NWD2: variants seen among roughly 807,000 people sequenced by gnomAD.
NWD2 encodes NACHT and WD repeat domain containing 2.
Under a neutral mutation model 132.7 loss-of-function variants are expected in NWD2, and 37 were observed. The ratio of observed to expected loss-of-function variants is 0.28; its 90% confidence interval spans 0.21 to 0.37. NWD2 has a LOEUF of 0.37. Ranked by LOEUF, NWD2 falls within the 10% of genes least tolerant of loss-of-function variation. The pLI, the probability that NWD2 is intolerant of heterozygous loss-of-function variation, is 1.00. For synonymous variants in NWD2, 705 were observed against 803.0 expected (o/e 0.88, Z 2.06); for missense variants, 1,592 against 2,122.4 (o/e 0.75, Z 4.91).
At chr4:37,307,437 T>G (rs1308812615) in intron 1 of NWD2, among the ~76,000 whole-genome samples, 1 of 152,198 alleles carries the variant, frequency 6.6e-6, no homozygotes, top group African/African-American at 2.4e-5. Context: ...CTTTCAGCAC[T>G]TTAAATATAT....
Position 37,439,381 on chromosome 4 carries a change from A to G in NWD2, c.1287A>G (p.Val429=). 1 of 1,460,712 alleles carries G rather than the reference A, an allele frequency of 6.8e-7. No individual in the cohort carries two copies. The allele number at this position is 1,460,712 out of a possible 1,614,324, so 90.5% of individuals were successfully genotyped here. A position where few individuals can be genotyped will look rare whatever the true frequency, so the allele number is the denominator to read the frequency against. The change falls in exon 6 of 7, where the codon GTA becomes GTG. Residue 429 remains valine, a synonymous_variant. Transcript: ENST00000309447. This position sits in a 1 kb window ranked among gnomAD's most constrained non-coding sequence, Gnocchi z 4.5. ...CTGKTLLLAE[V]AKKAYGWLHE... is the part of the protein sequence containing the mutation. Reference sequence around the variant, plus strand: ...GGAAGACCCTTCTGCTAGCTGAAGTAGCAAAGAAGGTAAAAGCCTATTCTT... The same window carrying G: ...GGAAGACCCTTCTGCTAGCTGAAGTGGCAAAGAAGGTAAAAGCCTATTCTT...
chr4:37,397,829 T>C (rs1455723743), intron 3 of NWD2, among the ~76,000 whole-genome samples: 1 of 152,088 alleles, frequency 6.6e-6, no homozygotes. Flanking sequence ...CTCCCTCCTC[T>C]ACTGCATCTT....
intron 1 of NWD2, among the ~76,000 whole-genome samples, chr4:37,278,983 C>T (rs1183682004): frequency 6.6e-6 from 1 of 151,872 alleles, no homozygotes; most frequent in Non-Finnish European, 1.5e-5. Flanking sequence ...TTCTTTAGTA[C>T]AACATCAAGA....
intron 3 of NWD2, among the ~76,000 whole-genome samples, chr4:37,391,506 A>G (rs1190250148): frequency 2.0e-5 from 3 of 152,212 alleles, no homozygotes; most frequent in African/African-American, 7.2e-5. Flanking sequence ...TTGAAGGTAT[A>G]AGGTTAATAA....
intron 3 of NWD2, among the ~76,000 whole-genome samples, chr4:37,384,666 G>A (rs1681910602): frequency 6.6e-6 from 1 of 152,134 alleles, no homozygotes; most frequent in South Asian, 2.1e-4. Flanking sequence ...GCAAGTTCTG[G>A]CCAACAGGCA....
intron 3 of NWD2, among the ~76,000 whole-genome samples, chr4:37,389,734 C>T (rs929148696): frequency 4.6e-5 from 7 of 152,098 alleles, no homozygotes; most frequent in African/African-American, 1.7e-4. Context: ...CAGCTATGCT[C>T]CTTTTCTTAT....
intron 3 of NWD2, among the ~76,000 whole-genome samples, chr4:37,389,482 G>T (rs529158456): frequency 3.9e-4 from 60 of 152,320 alleles, no homozygotes; most frequent in African/African-American, 1.3e-3. Context: ...CTGCCTCTTT[G>T]TCACTTTTCG....
chr4:37,342,798 G>C (rs995222166), intron 2 of NWD2, among the ~76,000 whole-genome samples: 3 of 152,174 alleles, frequency 2.0e-5, no homozygotes, highest in African/African-American at 7.2e-5. Flanking sequence ...TAGGCAGTTA[G>C]TTGTCTACAG....
In NWD2 at chr4:37,443,162, G is replaced by T; in HGVS notation, c.1297-123G>T. ...TCTCAGAGGGTTTTTCCAATTTTTGGTCCTAAGCTATTTCCTGCACAGCAG... is the reference window on the plus strand; with the variant it reads ...TCTCAGAGGGTTTTTCCAATTTTTGTTCCTAAGCTATTTCCTGCACAGCAG... On this transcript the variant is annotated intron_variant, in intron 6 of 6. Coordinates refer to ENST00000309447, the MANE Select transcript of NWD2 (RefSeq NM_001144990.2). This position sits in a 1 kb window ranked among gnomAD's most constrained non-coding sequence, Gnocchi z 4.1. The T allele has an allele frequency of 1.2e-6, 1 of 843,158 alleles. No homozygotes were observed. The highest frequency in any genetic ancestry group is 2.9e-5 in the Admixed American group (1 of 34,172). The allele number at this position is 843,158 out of a possible 1,614,324, so 52.2% of individuals were successfully genotyped here. A position where few individuals can be genotyped will look rare whatever the true frequency, so the allele number is the denominator to read the frequency against.
chr4:37,430,811 C>T (rs762900751), intron 4 of NWD2, 36 bp downstream of exon 4: 12 of 1,501,630 alleles, frequency 8.0e-6, no homozygotes, highest in Middle Eastern at 3.4e-4. Context: ...TGGATCTGTC[C>T]ATTACTACAT....
intron 3 of NWD2, among the ~76,000 whole-genome samples, chr4:37,403,400 T>C (rs4832900): frequency 0.2 from 29,764 of 152,032 alleles, 3,021 homozygotes; most frequent in East Asian, 0.31. Context: ...CCAGAATAAT[T>C]AAAGCAGCCA....
chr4:37,348,333 TA>T (rs1342335625), intron 2 of NWD2, among the ~76,000 whole-genome samples: 2 of 152,004 alleles, frequency 1.3e-5, no homozygotes, highest in Non-Finnish European at 2.9e-5. Context: ...TTTTCCCACA[TA>T]AATCACCTCC....
At chr4:37,276,731 C>G (rs1718023506) in intron 1 of NWD2, among the ~76,000 whole-genome samples, 1 of 152,032 alleles carries the variant, frequency 6.6e-6, no homozygotes, top group South Asian at 2.1e-4. Context: ...GACTTGGAAC[C>G]AACCCAAATG....
At chr4:37,359,361 G>A (rs3892368) in intron 3 of NWD2, among the ~76,000 whole-genome samples, 16,836 of 151,922 alleles carry the variant, frequency 0.11, 1,090 homozygotes, top group East Asian at 0.22. Flanking sequence ...AATCACACAA[G>A]GCTTGTATCT....
chr4:37,404,432 T>G (rs1256357598), intron 3 of NWD2, among the ~76,000 whole-genome samples: 1 of 152,150 alleles, frequency 6.6e-6, no homozygotes, highest in Non-Finnish European at 1.5e-5. Context: ...TGAAATCCTT[T>G]TTATCCAGTG....
At chr4:37,395,012 C>T (rs889452684) in intron 3 of NWD2, among the ~76,000 whole-genome samples, 1 of 151,260 alleles carries the variant, frequency 6.6e-6, no homozygotes, top group South Asian at 2.1e-4. Flanking sequence ...GGGGTTTCAC[C>T]ATGTTGGCCA....
intron 3 of NWD2, among the ~76,000 whole-genome samples, chr4:37,415,629 G>A (rs1205705990): frequency 6.6e-6 from 1 of 151,188 alleles, no homozygotes; most frequent in Non-Finnish European, 1.5e-5. Context: ...GCGTGAACCT[G>A]CGAGGTGGAG....
Position 37,364,380 on chromosome 4 carries a change from G to C in NWD2, c.357+7898G>C, listed in dbSNP as rs574696212. 7.2e-5 allele frequency among the ~76,000 whole-genome samples: 11 copies of C among 152,160 alleles called. No homozygotes were observed. In the East Asian group the frequency reaches 2.1e-3, roughly 30 times the overall value. On this transcript the variant is annotated intron_variant, in intron 3 of 6. Transcript: ENST00000309447. ...GAGCCAAGCCTGATACCACGCATGC[G>C]ATGAGAGGAGCACCATTACCACCAA...
chr4:37,410,774 A>G (rs2109318977), intron 3 of NWD2, among the ~76,000 whole-genome samples: 1 of 152,304 alleles, frequency 6.6e-6, no homozygotes, highest in East Asian at 1.9e-4. Context: ...ATGCAAAAGA[A>G]CAGAAATCAT....
Sources: allele counts gnomAD v4.1 joint callset (sites outside exome capture counted in the v4.1 genomes callset), GRCh38; gene constraint gnomAD v4.1.1; non-coding constraint Gnocchi (gnomAD v3.1); transcripts MANE v1.5; gene names NCBI Gene and HGNC (gene_info 2026-07-23, HGNC 2026-07-21).